The following ACTR8 variants were observed in gnomAD, a reference collection of about 807,000 sequenced individuals.
The protein encoded by ACTR8 is actin related protein 8, also known as actin-related protein 8.
In ACTR8, 70 loss-of-function variants were observed where a neutral mutation model predicts 84.3. That is an observed-to-expected ratio of 0.83 (90% CI 0.68 to 1.01). ACTR8 has a LOEUF of 1.01. ACTR8 is among the 50% of genes least tolerant of loss of function. ACTR8 has a pLI of 0.00. For synonymous variants in ACTR8, 268 were observed against 275.2 expected, an observed-to-expected ratio of 0.97 and a Z score of 0.26; for missense variants, 672 against 775.4, an observed-to-expected ratio of 0.87 and a Z score of 1.58.
At chr3:53,873,199 C>A in intron 8 of ACTR8, 72 bp from the exon 9 acceptor site, 1 of 1,203,636 alleles carries the variant, frequency 8.3e-7, no homozygotes, top group Non-Finnish European at 1.2e-6. Context: ...ATGCTTCAGC[C>A]TCACCATCAT....
At chr3:53,861,356 G>T in the ACTR8 span, 3 of 151,854 alleles carry the variant, frequency 2.0e-5, no homozygotes, top group East Asian at 5.8e-4. Flanking sequence ...TAAATTGAGG[G>T]TCTGCAGCTG....
intron 3 of ACTR8, 90 bp from the exon 4 acceptor site, chr3:53,877,841 A>C: frequency 1.0e-6 from 1 of 999,492 alleles, no homozygotes; most frequent in Non-Finnish European, 1.5e-6. Context: ...CACATACTAG[A>C]CACATTGGCA....
chr3:53,866,727 C>T (rs1347564129), downstream of ACTR8, among the ~76,000 whole-genome samples: 1 of 152,188 alleles, frequency 6.6e-6, no homozygotes, highest in Non-Finnish European at 1.5e-5. Context: ...ATGATCCACC[C>T]ACCTCAGCCT....
chr3:53,869,906 C>T, intron 12 of ACTR8, 76 bp downstream of exon 12: 1 of 1,542,390 alleles, frequency 6.5e-7, no homozygotes, highest in Non-Finnish European at 8.8e-7. Context: ...GCCCATGCCT[C>T]CCAGGATTTG....
chr3:53,877,499 G>T, intron 4 of ACTR8, 112 bp from the exon 5 acceptor site: 2 of 1,341,486 alleles, frequency 1.5e-6, no homozygotes, highest in Non-Finnish European at 2.0e-6. Context: ...AATGTTGAGA[G>T]TGAAGTAGGA....
Position 53,873,052 on chromosome 3 carries a change from A to G in ACTR8, c.1141T>C (p.Leu381=), listed in dbSNP as rs745621259. 3 of 1,610,840 alleles carry G rather than the reference A, an allele frequency of 1.9e-6. No individual in the cohort carries two copies. The Admixed American group carries it at 5.0e-5, about 27-fold the overall frequency. The change falls in exon 9 of 13, where the codon TTA becomes CTA. Residue 381 remains leucine (L), a synonymous_variant. Coordinates refer to ENST00000335754, the MANE Select transcript of ACTR8 (RefSeq NM_022899.5). ...GTTACCTGCAGTTTTTCATCTCCTA[A>G]TCGAAACTGGTAAAGCAGGGCAGGA... ...DSPALLYQFR[L]GDEKLQAPMA...
At position 53,875,944 on chromosome 3, in the gene ACTR8, T is replaced by C. The variant is rs781515325; in HGVS notation, c.911+4A>G. The C allele has an allele frequency of 1.6e-5, 26 of 1,614,110 alleles. No individual in the cohort carries two copies. In the African/African-American group the frequency reaches 2.9e-4, roughly 18 times the overall value. ...CAGGGAATGCCACCTTCCAAGTTCCTTACCGAGTATTCCGATGAGACACCC... is the reference window on the plus strand; with the variant it reads ...CAGGGAATGCCACCTTCCAAGTTCCCTACCGAGTATTCCGATGAGACACCC... On this transcript the variant is annotated splice_donor_region_variant and intron_variant, in intron 7 of 12. Transcript: ENST00000335754.
rs533271957 is a variant in ACTR8, at chr3:53,871,349, C to T, written c.1450G>A (p.Gly484Ser). 8.4e-5 allele frequency: 135 copies of T among 1,614,232 alleles called. 2 individuals are homozygous for T. In the South Asian group the frequency reaches 1.1e-3, roughly 13 times the overall value. ...GSAQGDGLMAGNDSEEALTAL... is the reference protein window; with the variant it reads ...GSAQGDGLMASNDSEEALTAL... Reference sequence around the variant, plus strand: ...GTGAGGGCCTCCTCGGAATCGTTGCCGGCCATCAGGCCATCTCCCTGTGCA... The same window carrying T: ...GTGAGGGCCTCCTCGGAATCGTTGCTGGCCATCAGGCCATCTCCCTGTGCA... The change falls in exon 11 of 13, where the codon GGC becomes AGC. Residue 484 changes from glycine (G) to serine (S), a missense_variant. Coordinates refer to ENST00000335754, the MANE Select transcript of ACTR8 (RefSeq NM_022899.5).
At chr3:53,873,302 T>G in intron 8 of ACTR8, among the ~76,000 whole-genome samples, 175 bp from the exon 9 acceptor site, 1 of 152,370 alleles carries the variant, frequency 6.6e-6, no homozygotes, top group East Asian at 1.9e-4. Context: ...TTTGTTCCCC[T>G]ATTTAACATT....
intron 9 of ACTR8, among the ~76,000 whole-genome samples, 183 bp downstream of exon 9, chr3:53,872,849 T>C (rs753000178): frequency 2.0e-5 from 3 of 152,232 alleles, no homozygotes; most frequent in Non-Finnish European, 2.9e-5. Context: ...AGGGGCTAAA[T>C]AGAAAGATAT....
rs754448754 is a variant in ACTR8 at position 53,877,285 on chromosome 3, G to C, written c.613C>G (p.Leu205Val). 2 of 1,613,960 alleles carry C rather than the reference G, an allele frequency of 1.2e-6. No individual in the cohort carries two copies. The highest frequency in any genetic ancestry group is 8.5e-7 in the Non-Finnish European group (1 of 1,179,932). ...GACCATATTACTTCAATATCTGCCAGAACAGCTGTAAGAGAGCCCCCAGGG... is the reference window on the plus strand; with the variant it reads ...GACCATATTACTTCAATATCTGCCACAACAGCTGTAAGAGAGCCCCCAGGG... ...PGPGGSLTAV[L>V]ADIEVIWSHA... Residue 205 changes from leucine to valine, a missense_variant, in exon 5 of 13, where the codon CTG becomes GTG. Transcript: ENST00000335754.
At chr3:53,862,626 A>G (rs930846755), downstream of ACTR8, among the ~76,000 whole-genome samples, 3 of 152,206 alleles carry the variant, frequency 2.0e-5, no homozygotes, top group African/African-American at 7.2e-5. Flanking sequence ...AGAGAAGACA[A>G]CCTGCTGGAG....
chr3:53,868,833 T>C lies in ACTR8; in HGVS notation c.1761A>G (p.Lys587=), dbSNP rs1029062233. Residue 587 remains lysine, a synonymous_variant, in exon 13 of 13, where the codon AAA becomes AAG. Coordinates refer to ENST00000335754, the MANE Select transcript of ACTR8 (RefSeq NM_022899.5). ...KDMDPRLIAW[K]GGAVLACLDT... is the part of the protein sequence containing the mutation. ...CCAAACAAGCCAACACTGCCCCTCCTTTCCATGCAATCAGCCGGGGGTCCA... is the reference window on the plus strand; with the variant it reads ...CCAAACAAGCCAACACTGCCCCTCCCTTCCATGCAATCAGCCGGGGGTCCA... 4.3e-6 allele frequency: 7 copies of C among 1,614,018 alleles called. No homozygotes were observed. The highest frequency in any genetic ancestry group is 5.9e-6 in the Non-Finnish European group (7 of 1,180,006).
In ACTR8 at chr3:53,882,137, C is replaced by T; in HGVS notation, c.-36G>A. On this transcript the variant is annotated 5_prime_UTR_variant, in exon 1 of 13. Transcript: ENST00000335754. Reference sequence around the variant, plus strand: ...GACACCCACCAACCTCTCGCCTCAGCGCTGCAGCCACGACTGCCGGGATGG... The same window carrying T: ...GACACCCACCAACCTCTCGCCTCAGTGCTGCAGCCACGACTGCCGGGATGG... 1 of 1,548,674 alleles carries T rather than the reference C, an allele frequency of 6.5e-7. No homozygotes were observed. Among genetic ancestry groups the T allele is most frequent in the South Asian group, 1.2e-5 (1 of 83,898 alleles).
intron 10 of ACTR8, 68 bp from the exon 11 acceptor site, chr3:53,871,564 T>A: frequency 6.4e-7 from 1 of 1,557,908 alleles, no homozygotes; most frequent in Admixed American, 1.7e-5. Context: ...GTTGTCTAGC[T>A]AGATCCCTCC....
downstream of ACTR8, among the ~76,000 whole-genome samples, chr3:53,863,876 G>A (rs546381608): frequency 6.9e-4 from 103 of 150,260 alleles, no homozygotes; most frequent in Non-Finnish European, 1.1e-3. Context: ...AGGCTGGAGT[G>A]GAATGGTGTG....
In ACTR8 at chr3:53,882,120, C is replaced by A. The variant is rs76042031; in HGVS notation, c.-19G>T. 3.4e-3 allele frequency: 5,339 copies of A among 1,551,144 alleles called. 148 individuals carry two copies. The African/African-American group carries it at 0.063, about 18-fold the overall frequency. On this transcript the variant is annotated 5_prime_UTR_variant, in exon 1 of 13. Transcript: ENST00000335754. ...GGGTCATTATGGCCGGAGACACCCACCAACCTCTCGCCTCAGCGCTGCAGC... is the reference window on the plus strand; with the variant it reads ...GGGTCATTATGGCCGGAGACACCCAACAACCTCTCGCCTCAGCGCTGCAGC...
the ACTR8 span, chr3:53,860,133 A>G: frequency 1.1e-5 from 18 of 1,612,866 alleles, no homozygotes; most frequent in Non-Finnish European, 1.5e-5. Context: ...TTTCCAGACA[A>G]AAGCAAGCCG....
intron 10 of ACTR8, 55 bp from the exon 11 acceptor site, chr3:53,871,551 G>C (rs1274686243): frequency 5.0e-6 from 8 of 1,588,436 alleles, no homozygotes; most frequent in Non-Finnish European, 6.9e-6. Flanking sequence ...GAACACTATT[G>C]ATGTTGTCTA....
Sources: gnomAD v4.1 joint callset for allele counts (sites outside exome capture counted in the v4.1 genomes callset) on GRCh38, gnomAD v4.1.1 for gene constraint, MANE v1.5 for transcripts, NCBI Gene and HGNC (gene_info 2026-07-23, HGNC 2026-07-21) for gene names.